LTBP1: variants seen among roughly 807,000 people sequenced by gnomAD.
The protein encoded by LTBP1 is latent transforming growth factor beta binding protein 1, also known as latent-transforming growth factor beta-binding protein 1.
LTBP1 carries 129 observed loss-of-function variants against 207.6 expected under a neutral mutation model. The ratio of observed to expected loss-of-function variants is 0.62; its 90% confidence interval spans 0.54 to 0.72. LTBP1 has a LOEUF of 0.72. Among genes scored for constraint, LTBP1 ranks in the 30% least tolerant of loss-of-function variants. The pLI is 0.00. For synonymous variants in LTBP1, 963 were observed against 833.7 expected (o/e 1.16, Z -2.67); for missense variants, 2,281 against 2,217.2 (o/e 1.03, Z -0.58).
intron 5 of LTBP1, among the ~76,000 whole-genome samples, chr2:33,151,103 A>G (rs2150989488): frequency 6.6e-6 from 1 of 152,262 alleles, no homozygotes; most frequent in East Asian, 1.9e-4. Flanking sequence ...GGCTGAATGC[A>G]GTTCCGTTAT....
At chr2:33,059,692 C>T (rs1468032016) in intron 3 of LTBP1, among the ~76,000 whole-genome samples, 1 of 152,142 alleles carries the variant, frequency 6.6e-6, no homozygotes, top group Non-Finnish European at 1.5e-5. Flanking sequence ...AAATACATGT[C>T]ATTTAAGGGA....
chr2:33,240,998 T>G (rs1466432210), intron 9 of LTBP1, among the ~76,000 whole-genome samples: 1 of 152,204 alleles, frequency 6.6e-6, no homozygotes, highest in Non-Finnish European at 1.5e-5. Flanking sequence ...CACAAGTAGA[T>G]ATGCAAAAAT....
intron 3 of LTBP1, among the ~76,000 whole-genome samples, chr2:33,031,560 T>G (rs141161295): frequency 1.5e-3 from 223 of 152,300 alleles, no homozygotes; most frequent in African/African-American, 5.0e-3. Context: ...TAGTATAAAT[T>G]CTAATGGCGA....
intron 31 of LTBP1, among the ~76,000 whole-genome samples, chr2:33,370,956 T>G (rs185785603): frequency 2.6e-5 from 4 of 152,296 alleles, no homozygotes; most frequent in African/African-American, 7.2e-5. Context: ...GGGCACTAAT[T>G]CTTGCTAAAG....
At chr2:33,266,994 G>A (rs991105643) in intron 15 of LTBP1, among the ~76,000 whole-genome samples, 3 of 152,256 alleles carry the variant, frequency 2.0e-5, no homozygotes, top group Admixed American at 1.3e-4. Flanking sequence ...CCCCAAGCCA[G>A]GGCTGTAACA....
At chr2:33,296,174 A>G (rs1216254572) in intron 20 of LTBP1, among the ~76,000 whole-genome samples, 1 of 152,164 alleles carries the variant, frequency 6.6e-6, no homozygotes, top group Non-Finnish European at 1.5e-5. Context: ...TTTGATTGCT[A>G]TATCTAGTTT....
chr2:33,100,426 G>A (rs933098854), intron 3 of LTBP1, among the ~76,000 whole-genome samples: 9 of 151,920 alleles, frequency 5.9e-5, no homozygotes, highest in African/African-American at 2.2e-4. Flanking sequence ...ATGGGGGCAG[G>A]GGGGGCAAGA....
chr2:33,371,985 T>C (rs926577967), intron 31 of LTBP1, among the ~76,000 whole-genome samples: 1 of 152,192 alleles, frequency 6.6e-6, no homozygotes, highest in Non-Finnish European at 1.5e-5. Flanking sequence ...AGTCACTTAG[T>C]AGCAGCTCCA....
intron 11 of LTBP1, among the ~76,000 whole-genome samples, chr2:33,255,447 A>G (rs1403592866): frequency 3.3e-5 from 5 of 152,120 alleles, no homozygotes; most frequent in Admixed American, 2.6e-4. Flanking sequence ...ATCTAGAACT[A>G]GAAATACCAT....
At chr2:33,167,635 TCA>T (rs1300255178) in intron 5 of LTBP1, among the ~76,000 whole-genome samples, 2 of 152,120 alleles carry the variant, frequency 1.3e-5, no homozygotes, top group Middle Eastern at 3.2e-3. Flanking sequence ...AGGAAAGAGG[TCA>T]TGCTTCAGCA....
At chr2:33,167,078 G>T (rs940659147) in intron 5 of LTBP1, among the ~76,000 whole-genome samples, 1 of 152,094 alleles carries the variant, frequency 6.6e-6, no homozygotes, top group Admixed American at 6.6e-5. Context: ...TTTCTACTAA[G>T]AGTCAGTTCT....
At chr2:33,323,924 G>A (rs1292919014) in intron 24 of LTBP1, among the ~76,000 whole-genome samples, 1 of 152,066 alleles carries the variant, frequency 6.6e-6, no homozygotes, top group African/African-American at 2.4e-5. Context: ...TTGGCTACAT[G>A]GGCTTGAACT....
At chr2:33,369,663 TTC>T (rs2095043994) in intron 31 of LTBP1, among the ~76,000 whole-genome samples, 1 of 152,130 alleles carries the variant, frequency 6.6e-6, no homozygotes, top group African/African-American at 2.4e-5. Flanking sequence ...GTTCAAGAGA[TTC>T]TCCCACCTAT....
chr2:32,974,329 A>G (rs774917720), intron 2 of LTBP1, among the ~76,000 whole-genome samples: 3 of 152,114 alleles, frequency 2.0e-5, no homozygotes, highest in African/African-American at 4.8e-5. Flanking sequence ...AGTTTTGATT[A>G]GCATTTCTCT....
intron 3 of LTBP1, among the ~76,000 whole-genome samples, chr2:33,060,485 T>C (rs964108041): frequency 2.0e-5 from 3 of 152,000 alleles, no homozygotes; most frequent in African/African-American, 7.2e-5. Flanking sequence ...GGTTTGTATC[T>C]TAATTTGGGC....
chr2:33,161,991 G>C (rs1006809900), intron 5 of LTBP1, among the ~76,000 whole-genome samples: 2 of 152,214 alleles, frequency 1.3e-5, no homozygotes, highest in Admixed American at 1.3e-4. Flanking sequence ...TTTTGTGATA[G>C]CTTCACACGA....
intron 26 of LTBP1, among the ~76,000 whole-genome samples, chr2:33,352,768 C>T (rs1225654373): frequency 6.6e-6 from 1 of 152,124 alleles, no homozygotes; most frequent in Admixed American, 6.6e-5. Context: ...AGCATGAAGT[C>T]CAAATGCATT....
intron 24 of LTBP1, among the ~76,000 whole-genome samples, chr2:33,336,999 G>A (rs1559032456): frequency 6.6e-6 from 1 of 152,108 alleles, no homozygotes; most frequent in Non-Finnish European, 1.5e-5. Context: ...TTTGTGTTGA[G>A]TTCTTAAAAT....
chr2:32,992,619 A>C (rs770225282), intron 2 of LTBP1, among the ~76,000 whole-genome samples: 8 of 152,204 alleles, frequency 5.3e-5, no homozygotes, highest in Admixed American at 1.3e-4. Flanking sequence ...GGATCCAAGT[A>C]TTGCCACAGA....
Sources: allele counts gnomAD v4.1 joint callset (sites outside exome capture counted in the v4.1 genomes callset), GRCh38; gene constraint gnomAD v4.1.1; transcripts MANE v1.5; gene names NCBI Gene and HGNC (gene_info 2026-07-23, HGNC 2026-07-21).